The following OASL variants were observed in gnomAD, a reference collection of about 807,000 sequenced individuals.
OASL encodes 2'-5'-oligoadenylate synthase-like protein.
In OASL, 28 loss-of-function variants were observed where a neutral mutation model predicts 35.3. The ratio of observed to expected loss-of-function variants is 0.79; its 90% confidence interval spans 0.59 to 1.09. The LOEUF (loss-of-function observed/expected upper bound fraction) is 1.09. Ranked by LOEUF, OASL falls within the 50% of genes least tolerant of loss-of-function variation. The pLI, the probability that OASL is intolerant of heterozygous loss-of-function variation, is 0.00. For missense variants in OASL, 620 were observed against 635.2 expected, an observed-to-expected ratio of 0.98 and a Z score of 0.26; for synonymous variants, 252 against 254.6, an observed-to-expected ratio of 0.99 and a Z score of 0.10.
chr12:121,029,644 C>A (rs1353914887), intron 3 of OASL, among the ~76,000 whole-genome samples: 1 of 151,538 alleles, frequency 6.6e-6, no homozygotes, highest in Non-Finnish European at 1.5e-5. Flanking sequence ...GCTGAGATTG[C>A]GCCACTGCAT....
At chr12:121,027,553 G>A (rs751702665) in intron 4 of OASL, 23 bp downstream of exon 4, 3 of 1,611,182 alleles carry the variant, frequency 1.9e-6, no homozygotes, top group Non-Finnish European at 2.5e-6. Flanking sequence ...GTAAGATTTG[G>A]TGGGCAAACA....
chr12:121,030,359 C>A (rs1358842100), intron 3 of OASL, among the ~76,000 whole-genome samples: 1 of 152,134 alleles, frequency 6.6e-6, no homozygotes, highest in Non-Finnish European at 1.5e-5. Flanking sequence ...CGCCCGCCAC[C>A]ACGCCTGGCT....
At chr12:121,018,747 G>A (rs1397303935), downstream of OASL, among the ~76,000 whole-genome samples, 1 of 151,662 alleles carries the variant, frequency 6.6e-6, no homozygotes, top group African/African-American at 2.4e-5. Flanking sequence ...GTAGGTGCCT[G>A]TAGTCCCAGC....
At chr12:121,027,790 T>G (rs1462699403) in exon 4 of OASL, 3 of 1,614,074 alleles carry the variant, frequency 1.9e-6, no homozygotes, top group East Asian at 2.2e-5. Context: ...GGGGGCAGAT[T>G]GGCTCTGGGG....
exon 6 of OASL, chr12:121,020,978 T>A: frequency 1.9e-6 from 3 of 1,614,050 alleles, no homozygotes; most frequent in Non-Finnish European, 2.5e-6. Context: ...TAACCTTCCT[T>A]ATGGGCTCAT....
chr12:121,023,912 A>C, intron 5 of OASL, 78 bp downstream of exon 5: 1 of 1,549,088 alleles, frequency 6.5e-7, no homozygotes, highest in Non-Finnish European at 8.8e-7. Context: ...TCAACACAGA[A>C]CTGAATGAGT....
intron 2 of OASL, 125 bp from the exon 3 acceptor site, chr12:121,031,742 A>G (rs1869744556): frequency 5.6e-6 from 4 of 712,826 alleles, no homozygotes; most frequent in Non-Finnish European, 9.1e-6. Flanking sequence ...GAGACCTCAT[A>G]TCTTCAGAAA....
intron 3 of OASL, among the ~76,000 whole-genome samples, chr12:121,028,869 A>G (rs1258054810): frequency 6.6e-6 from 1 of 151,996 alleles, no homozygotes; most frequent in East Asian, 1.9e-4. Context: ...GTTCGAGACC[A>G]GCTTGGCCAA....
chr12:121,033,194 G>A (rs1869810618), intron 2 of OASL, among the ~76,000 whole-genome samples: 1 of 151,958 alleles, frequency 6.6e-6, no homozygotes, highest in African/African-American at 2.4e-5. Context: ...AAAGTGCTGG[G>A]ATTACAGGCG....
At position 121,020,620 on chromosome 12, in the gene OASL, C is replaced by T. The variant is rs775974042; in HGVS notation, c.1486G>A (p.Asp496Asn). Residue 496 changes from aspartate to asparagine, a missense_variant, in exon 6 of 6, where the codon GAC becomes AAC. Transcript: ENST00000257570. Reference sequence around the variant, plus strand: ...TTCGAGAGGATGAGAGTGTCACTGTCTTGGATGCCATAGATCCCCAGACCC... The same window carrying T: ...TTCGAGAGGATGAGAGTGTCACTGTTTTGGATGCCATAGATCCCCAGACCC... The T allele has an allele frequency of 1.2e-5, 20 of 1,613,892 alleles. No individual in the cohort carries two copies. The highest frequency in any genetic ancestry group is 8.3e-5 in the Admixed American group (5 of 60,000).
At chr12:121,027,689 A>T (rs1565905126) in exon 4 of OASL, 1 of 1,614,230 alleles carries the variant, frequency 6.2e-7, no homozygotes, top group Non-Finnish European at 8.5e-7. Context: ...GGTCCATCAC[A>T]GTGGTGAAGC....
chr12:121,021,618 C>T (rs1281938952), intron 5 of OASL, among the ~76,000 whole-genome samples: 1 of 152,234 alleles, frequency 6.6e-6, no homozygotes, highest in Non-Finnish European at 1.5e-5. Flanking sequence ...TGAGACCAGC[C>T]TGGCCAACAT....
chr12:121,023,646 C>T (rs1457338563), intron 5 of OASL: 2 of 213,450 alleles, frequency 9.4e-6, no homozygotes, highest in Non-Finnish European at 9.7e-6. Context: ...CCCACATCCC[C>T]TACCCCATCC....
At chr12:121,022,430 G>C (rs1353785182) in intron 5 of OASL, among the ~76,000 whole-genome samples, 2 of 152,144 alleles carry the variant, frequency 1.3e-5, no homozygotes, top group African/African-American at 4.8e-5. Context: ...ATGTTGCCTA[G>C]GCTGGTCTTG....
chr12:121,031,468 G>C (rs142653430), exon 3 of OASL: 1 of 1,613,540 alleles, frequency 6.2e-7, no homozygotes, highest in African/African-American at 1.3e-5. Flanking sequence ...TTCACCAGGC[G>C]CAGGAGGCTC....
intron 3 of OASL, among the ~76,000 whole-genome samples, chr12:121,029,316 T>C (rs1242083254): frequency 6.6e-6 from 1 of 152,046 alleles, no homozygotes; most frequent in Non-Finnish European, 1.5e-5. Flanking sequence ...AAATGAAACC[T>C]TGGGCCTTTC....
At chr12:121,033,657 C>A in exon 2 of OASL, 1 of 1,614,178 alleles carries the variant, frequency 6.2e-7, no homozygotes, top group Non-Finnish European at 8.5e-7. Flanking sequence ...TGGCTGCCTC[C>A]TGGAAGCTGT....
chr12:121,033,639 G>C, exon 2 of OASL: 2 of 1,614,160 alleles, frequency 1.2e-6, no homozygotes, highest in Non-Finnish European at 1.7e-6. Flanking sequence ...GAACATCTTT[G>C]TGATGCTTGG....
downstream of OASL, among the ~76,000 whole-genome samples, chr12:121,018,869 CAAAAAAAAAAAA>C (rs1158102389): frequency 1.8e-5 from 1 of 55,296 alleles, no homozygotes; most frequent in Non-Finnish European, 3.3e-5. Context: ...GACTCCATCT[CAAAAAAAAAAAA>C]AAAAAAAAAA....
Sources: allele counts gnomAD v4.1 joint callset (sites outside exome capture counted in the v4.1 genomes callset), GRCh38; gene constraint gnomAD v4.1.1; transcripts MANE v1.5; gene names NCBI Gene and HGNC (gene_info 2026-07-23, HGNC 2026-07-21).